Variants in POU2F1 observed in about 807,000 individuals in gnomAD.
The protein encoded by POU2F1 is POU class 2 homeobox 1, also known as POU domain, class 2, transcription factor 1.
POU2F1 carries 16 observed loss-of-function variants against 84.9 expected under a neutral mutation model. That is an observed-to-expected ratio of 0.19 (90% confidence interval 0.13 to 0.29). The LOEUF (loss-of-function observed/expected upper bound fraction) is 0.29. POU2F1 is among the 10% of genes least tolerant of loss of function. The pLI, the probability that POU2F1 is intolerant of heterozygous loss-of-function variation, is 1.00. For missense variants in POU2F1, 738 were observed against 942.6 expected (o/e 0.78, Z 2.84); for synonymous variants, 368 against 368.3 (o/e 1.00, Z 0.01).
At chr1:167,223,238 T>A (rs1648370199) in intron 1 of POU2F1, among the ~76,000 whole-genome samples, 2 of 152,212 alleles carry the variant, frequency 1.3e-5, no homozygotes, top group Admixed American at 1.3e-4. Context: ...TTTACCCTGA[T>A]CTTGGAACTT....
intron 1 of POU2F1, among the ~76,000 whole-genome samples, chr1:167,254,112 G>A (rs1019711662): frequency 1.5e-4 from 23 of 152,106 alleles, no homozygotes; most frequent in South Asian, 2.1e-4. Flanking sequence ...TTTAAAGCCT[G>A]TTCACACTTT....
chr1:167,248,966 AT>A (rs939766208), intron 1 of POU2F1, among the ~76,000 whole-genome samples: 13 of 152,346 alleles, frequency 8.5e-5, no homozygotes, highest in African/African-American at 3.1e-4. Flanking sequence ...AAGAACTAGG[AT>A]TTAAACCCAT....
At chr1:167,360,724 TA>T (rs34562226) in intron 2 of POU2F1, among the ~76,000 whole-genome samples, 13 of 152,050 alleles carry the variant, frequency 8.5e-5, no homozygotes, top group South Asian at 2.1e-4. Flanking sequence ...TCTAATTATG[TA>T]AAAAAAATGA....
rs897017025 is a variant in POU2F1, at chr1:167,284,537, G to A, written c.62-47933G>A. Among the ~76,000 whole-genome samples the A allele has an allele frequency of 1.9e-4, 29 of 152,092 alleles. 1 individual carries two copies. The highest frequency in any genetic ancestry group is 1.0e-3 in the Admixed American group (16 of 15,276). On this transcript the variant is annotated intron_variant, in intron 1 of 15. Transcript: ENST00000367866. ...TTTCTAGTTTATTTTTTAGGTATTC[G>A]AAAATATTCTACTGTATTCACTTTG...
chr1:167,392,307 A>G (rs1030612421), intron 9 of POU2F1, among the ~76,000 whole-genome samples: 2 of 151,612 alleles, frequency 1.3e-5, no homozygotes, highest in Non-Finnish European at 2.9e-5. Flanking sequence ...AGCCAAGATC[A>G]CGCCACTGCA....
At chr1:167,383,585 T>C (rs1285793732) in intron 7 of POU2F1, 2 of 221,198 alleles carry the variant, frequency 9.0e-6, no homozygotes. Context: ...TTTCATCCCA[T>C]TCTTTCCTAA....
At chr1:167,290,682 A>G (rs962298876) in intron 1 of POU2F1, among the ~76,000 whole-genome samples, 2 of 152,222 alleles carry the variant, frequency 1.3e-5, no homozygotes, top group East Asian at 1.9e-4. Flanking sequence ...TTATGAAATT[A>G]TCTTTAAGAG....
chr1:167,311,225 A>G (rs1307119116), intron 1 of POU2F1, among the ~76,000 whole-genome samples: 2 of 152,176 alleles, frequency 1.3e-5, no homozygotes, highest in East Asian at 1.9e-4. Context: ...CAAAGGAAAA[A>G]TCTTGAAAAC....
At chr1:167,271,069 C>T (rs1652336397) in intron 1 of POU2F1, among the ~76,000 whole-genome samples, 1 of 152,170 alleles carries the variant, frequency 6.6e-6, no homozygotes, top group East Asian at 1.9e-4. Flanking sequence ...TGAATTTATG[C>T]TAGCATTGTT....
intron 1 of POU2F1, among the ~76,000 whole-genome samples, chr1:167,293,571 A>G (rs373458582): frequency 2.0e-5 from 3 of 152,318 alleles, no homozygotes; most frequent in East Asian, 1.9e-4. Context: ...CTATCAAAAT[A>G]CCAACATCAT....
chr1:167,360,096 A>G (rs1440932917), intron 2 of POU2F1, among the ~76,000 whole-genome samples: 1 of 151,910 alleles, frequency 6.6e-6, no homozygotes, highest in Non-Finnish European at 1.5e-5. Flanking sequence ...CAGTTTGCTA[A>G]TATTTTCTCC....
intron 1 of POU2F1, among the ~76,000 whole-genome samples, chr1:167,298,712 G>C (rs1654451730): frequency 6.6e-6 from 1 of 151,818 alleles, no homozygotes; most frequent in African/African-American, 2.4e-5. Context: ...TTTTAATTAT[G>C]AGCTTCAAAA....
At chr1:167,290,526 G>A (rs1653850760) in intron 1 of POU2F1, among the ~76,000 whole-genome samples, 1 of 152,208 alleles carries the variant, frequency 6.6e-6, no homozygotes, top group Non-Finnish European at 1.5e-5. Flanking sequence ...CTATATGTCT[G>A]TCCTAACTTG....
At chr1:167,413,162 AGT>A (rs59744507) in intron 15 of POU2F1, 48 bp downstream of exon 15, 79,909 of 984,028 alleles carry the variant, frequency 0.081, 1,034 homozygotes, top group Admixed American at 0.26. Flanking sequence ...CGTGTGTGTG[AGT>A]GTGTGTGTGT....
At position 167,415,865 on chromosome 1, in the gene POU2F1, T is replaced by C; in HGVS notation, c.*55T>C. Reference sequence around the variant, plus strand: ...TTTTCACTCTGCAGTGTGATTGGACTGCCAGCCAGGTTAATAAACTGAAAA... The same window carrying C: ...TTTTCACTCTGCAGTGTGATTGGACCGCCAGCCAGGTTAATAAACTGAAAA... On this transcript the variant is annotated 3_prime_UTR_variant, in exon 16 of 16. Transcript: ENST00000367866. The C allele has an allele frequency of 6.7e-7, 1 of 1,490,970 alleles. No homozygotes were observed. The highest frequency in any genetic ancestry group is 9.0e-7 in the Non-Finnish European group (1 of 1,105,408). The allele number at this position is 1,490,970 out of a possible 1,614,324, so 92.4% of individuals were successfully genotyped here. A position where few individuals can be genotyped will look rare whatever the true frequency, so the allele number is the denominator to read the frequency against.
At chr1:167,414,717 C>G in intron 15 of POU2F1, 2 of 984,798 alleles carry the variant, frequency 2.0e-6, no homozygotes. Flanking sequence ...GTCTAATTTC[C>G]TGCTACAATA....
chr1:167,237,819 G>A (rs1470804219), intron 1 of POU2F1, among the ~76,000 whole-genome samples: 15 of 114,466 alleles, frequency 1.3e-4, no homozygotes, highest in African/African-American at 4.1e-4. Flanking sequence ...TTGCTCTGTC[G>A]CCCAGGCAGG....
intron 9 of POU2F1, among the ~76,000 whole-genome samples, chr1:167,392,331 G>A (rs1448186239): frequency 4.0e-5 from 6 of 151,264 alleles, no homozygotes; most frequent in Non-Finnish European, 7.4e-5. Flanking sequence ...CAGCTTTGGG[G>A]GTGACAGAGC....
At chr1:167,367,739 A>G (rs1357882570) in intron 3 of POU2F1, among the ~76,000 whole-genome samples, 1 of 151,970 alleles carries the variant, frequency 6.6e-6, no homozygotes, top group Non-Finnish European at 1.5e-5. Context: ...ATGTACACAT[A>G]CAAAATACAT....
Sources: gnomAD v4.1 joint callset for allele counts (sites outside exome capture counted in the v4.1 genomes callset) on GRCh38, gnomAD v4.1.1 for gene constraint, MANE v1.5 for transcripts, NCBI Gene and HGNC (gene_info 2026-07-23, HGNC 2026-07-21) for gene names.